Variants in DIAPH2 observed in about 807,000 individuals in gnomAD.
DIAPH2 encodes protein diaphanous homolog 2.
In DIAPH2, 35 loss-of-function variants were observed where a neutral mutation model predicts 92.7. The ratio of observed to expected loss-of-function variants is 0.38; its 90% CI spans 0.29 to 0.50. The LOEUF (loss-of-function observed/expected upper bound fraction) is 0.50, where lower values mean the gene tolerates loss of function less well. Ranked by LOEUF, DIAPH2 falls within the 20% of genes least tolerant of loss-of-function variation. DIAPH2 has a pLI of 0.94. For synonymous variants in DIAPH2, 301 were observed against 280.4 expected (o/e 1.07, Z -0.73); for missense variants, 701 against 819.5 (o/e 0.86, Z 1.77).
intron 1 of DIAPH2, among the ~76,000 whole-genome samples, chrX:96,719,851 TCAAAAA>T (rs1298032768): frequency 1.8e-5 from 2 of 112,126 alleles, no homozygotes; most frequent in Non-Finnish European, 1.9e-5. Flanking sequence ...TAGGGATGCA[TCAAAAA>T]CAAAAACAAA....
intron 15 of DIAPH2, among the ~76,000 whole-genome samples, chrX:96,955,267 T>TA (rs1280788234): frequency 2.7e-5 from 3 of 111,627 alleles, no homozygotes; most frequent in Admixed American, 1.9e-4. Flanking sequence ...AAAAGCCTCT[T>TA]AAAAAACCAT....
intron 22 of DIAPH2, among the ~76,000 whole-genome samples, chrX:97,214,035 G>A (rs1345637487): frequency 9.0e-6 from 1 of 111,501 alleles, no homozygotes; most frequent in African/African-American, 3.3e-5. Context: ...AAAGTGTAAG[G>A]GCGGGGAATT....
chrX:96,762,980 G>A (rs1450494247), intron 4 of DIAPH2: 2 of 380,667 alleles, frequency 5.3e-6, no homozygotes, highest in African/African-American at 5.5e-5. Flanking sequence ...TATAAATAGG[G>A]TTAGCTATTT....
chrX:97,424,228 C>G (rs1305210147), intron 25 of DIAPH2, among the ~76,000 whole-genome samples: 1 of 111,690 alleles, frequency 9.0e-6, no homozygotes, highest in African/African-American at 3.3e-5. Context: ...GGACTGAAGC[C>G]TACATTTCTT....
chrX:97,019,091 G>A lies in DIAPH2; in HGVS notation c.2051-53850G>A, dbSNP rs140429899. On this transcript the variant is annotated intron_variant, in intron 17 of 26. Transcript: ENST00000324765. ...TTTTATCGTTGAATAACATTCCACC[G>A]TGTGGATGTACCAGCACCTACCAAA... 8.8e-3 allele frequency among the ~76,000 whole-genome samples: 988 copies of A among 111,693 alleles called. 4 individuals carry two copies. The highest frequency in any genetic ancestry group is 0.015 in the Non-Finnish European group (811 of 53,133).
chrX:96,814,829 A>C (rs2064717857), intron 4 of DIAPH2, among the ~76,000 whole-genome samples: 1 of 111,335 alleles, frequency 9.0e-6, no homozygotes, highest in Non-Finnish European at 1.9e-5. Flanking sequence ...TCCACTGCAC[A>C]CCCTGTTTGC....
At chrX:97,016,559 G>T (rs2066262409) in intron 17 of DIAPH2, among the ~76,000 whole-genome samples, 1 of 111,608 alleles carries the variant, frequency 9.0e-6, no homozygotes, top group African/African-American at 3.3e-5. Context: ...CTCTCTTCAG[G>T]TTCATTCTGA....
chrX:97,595,254 G>A (rs182744491), intron 26 of DIAPH2, among the ~76,000 whole-genome samples: 1 of 112,644 alleles, frequency 8.9e-6, no homozygotes, highest in Non-Finnish European at 1.9e-5. Context: ...CATAGTTGCT[G>A]AATAAATGAT....
intron 16 of DIAPH2, among the ~76,000 whole-genome samples, chrX:96,962,312 CATATATATATACACATATATATAT>C (rs2065857308): frequency 3.4e-5 from 2 of 59,500 alleles, no homozygotes; most frequent in African/African-American, 1.6e-4. Context: ...TATATATATA[CATATATATATACACATATATATAT>C]ACATATATAT....
chrX:97,224,025 A>C (rs1189142611), intron 22 of DIAPH2, among the ~76,000 whole-genome samples: 3 of 111,633 alleles, frequency 2.7e-5, no homozygotes, highest in African/African-American at 9.7e-5. Flanking sequence ...TAACGATAGC[A>C]CATGATGCTG....
intron 22 of DIAPH2, among the ~76,000 whole-genome samples, chrX:97,148,512 C>G (rs1416627028): frequency 9.1e-6 from 1 of 110,247 alleles, no homozygotes; most frequent in Non-Finnish European, 1.9e-5. Context: ...TGTACCTCCT[C>G]TTGAGTTTCT....
chrX:97,557,730 C>T (rs773149121), intron 26 of DIAPH2, among the ~76,000 whole-genome samples: 1 of 112,003 alleles, frequency 8.9e-6, no homozygotes, highest in South Asian at 3.7e-4. Flanking sequence ...TAAGGAAATG[C>T]TTTTTAATTT....
chrX:96,945,531 T>A lies in DIAPH2; in HGVS notation c.1449T>A (p.Ser483=). 11 of 1,164,944 alleles carry A rather than the reference T, an allele frequency of 9.4e-6. No homozygotes were observed. Among genetic ancestry groups the A allele is most frequent in the Non-Finnish European group, 1.3e-5 (11 of 877,478 alleles). The change falls in exon 14 of 27, where the codon TCT becomes TCA. Residue 483 remains serine (S), a synonymous_variant. Coordinates refer to ENST00000324765, the MANE Select transcript of DIAPH2 (RefSeq NM_006729.5). ...LDIDLTHLID[S]CVNKAKVEES... ...ACTTTTGTTTGATCTTAATAGATTC[T>A]TGTGTGAACAAGGCGAAAGTTGAAG...
At chrX:97,573,164 C>A (rs1418609179) in intron 26 of DIAPH2, among the ~76,000 whole-genome samples, 1 of 111,273 alleles carries the variant, frequency 9.0e-6, no homozygotes, top group Non-Finnish European at 1.9e-5. Context: ...CAGTCAAGCT[C>A]TAATGGGAAC....
intron 5 of DIAPH2, among the ~76,000 whole-genome samples, chrX:96,903,131 G>A (rs1207589727): frequency 2.0e-4 from 2 of 9,973 alleles, no homozygotes; most frequent in Non-Finnish European, 3.8e-4. Flanking sequence ...CCCTGTTACT[G>A]TGAAAAAAAA....
At chrX:97,037,322 CT>C (rs2066418038) in intron 17 of DIAPH2, among the ~76,000 whole-genome samples, 1 of 111,052 alleles carries the variant, frequency 9.0e-6, no homozygotes, top group Non-Finnish European at 1.9e-5. Flanking sequence ...TATTTATCTC[CT>C]GCTGCCTGTC....
chrX:97,011,778 G>C (rs184040102), intron 17 of DIAPH2, among the ~76,000 whole-genome samples: 71 of 106,898 alleles, frequency 6.6e-4, no homozygotes, highest in African/African-American at 2.2e-3. Flanking sequence ...TGTGATACCA[G>C]CTACTTGGGA....
chrX:97,206,648 A>G (rs1343601059), intron 22 of DIAPH2, among the ~76,000 whole-genome samples: 2 of 112,217 alleles, frequency 1.8e-5, no homozygotes, highest in East Asian at 5.6e-4. Context: ...AGCCATATCT[A>G]TTGTAATGCT....
intron 4 of DIAPH2, among the ~76,000 whole-genome samples, chrX:96,788,987 G>T (rs760351780): frequency 8.9e-6 from 1 of 112,467 alleles, no homozygotes; most frequent in South Asian, 3.7e-4. Flanking sequence ...AGGTTTTTAA[G>T]AGCATTCCCA....
Sources: allele counts gnomAD v4.1 joint callset (sites outside exome capture counted in the v4.1 genomes callset), GRCh38; gene constraint gnomAD v4.1.1; transcripts MANE v1.5; gene names NCBI Gene and HGNC (gene_info 2026-07-23, HGNC 2026-07-21).